CIB4: variants seen among roughly 807,000 people sequenced by gnomAD.
CIB4 encodes calcium and integrin binding family member 4.
A neutral mutation model predicts 25.8 loss-of-function variants in CIB4; 25 were observed. The observed-to-expected ratio is 0.97, with a 90% confidence interval of 0.71 to 1.35. The LOEUF (loss-of-function observed/expected upper bound fraction) is 1.35, where lower values mean the gene tolerates loss of function less well. Among genes scored for constraint, CIB4 ranks in the 40% most tolerant of loss-of-function variants. The pLI is 0.00. For synonymous variants in CIB4, 75 were observed against 81.4 expected (o/e 0.92, Z 0.42); for missense variants, 235 against 228.2 (o/e 1.03, Z -0.19).
At chr2:26,605,429 G>A (rs1036334141) in intron 3 of CIB4, 6 of 462,120 alleles carry the variant, frequency 1.3e-5, no homozygotes, top group East Asian at 7.2e-5. Context: ...GTGGCTGCCC[G>A]GAGGAAATGG....
In CIB4 at chr2:26,583,911, G is replaced by C. The variant is rs375565203; in HGVS notation, c.329-13C>G. The C allele has an allele frequency of 8.4e-6, 13 of 1,540,574 alleles. No homozygotes were observed. The African/African-American group carries it at 1.6e-4, about 19-fold the overall frequency. ...TTCTCATTAAAATCTGCAAAGAAGA[G>C]GCCAGGCCTGCATTAGACGGAGCTG... On this transcript the variant is annotated splice_polypyrimidine_tract_variant and intron_variant, in intron 4 of 6. Coordinates refer to ENST00000288861, the MANE Select transcript of CIB4 (RefSeq NM_001029881.3).
intron 1 of CIB4, 52 bp downstream of exon 1, chr2:26,641,209 T>G (rs1669629174): frequency 6.7e-7 from 1 of 1,484,326 alleles, no homozygotes; most frequent in African/African-American, 1.4e-5. Context: ...TCATTCCACC[T>G]GCTTTAGGAA....
chr2:26,585,440 G>A (rs1051805553), intron 4 of CIB4, among the ~76,000 whole-genome samples: 2 of 152,050 alleles, frequency 1.3e-5, no homozygotes, highest in Non-Finnish European at 2.9e-5. Flanking sequence ...TGGCAGGTGA[G>A]GTGATGTCCG....
At chr2:26,634,700 C>T (rs1218893200) in intron 2 of CIB4, among the ~76,000 whole-genome samples, 8 of 152,174 alleles carry the variant, frequency 5.3e-5, no homozygotes, top group Non-Finnish European at 2.9e-5. Flanking sequence ...CCTGTAACCA[C>T]TCCACCTGCG....
intron 4 of CIB4, among the ~76,000 whole-genome samples, chr2:26,594,622 C>T (rs1668644392): frequency 1.3e-5 from 2 of 152,188 alleles, no homozygotes; most frequent in African/African-American, 4.8e-5. Context: ...TTTGAGAATT[C>T]CCTTGCATCC....
chr2:26,614,344 T>C (rs1465730584), intron 3 of CIB4, among the ~76,000 whole-genome samples: 1 of 152,156 alleles, frequency 6.6e-6, no homozygotes, highest in African/African-American at 2.4e-5. Context: ...TGGATGAGCA[T>C]GTCCCCAGGC....
At chr2:26,626,612 C>G (rs1669310827) in intron 3 of CIB4, among the ~76,000 whole-genome samples, 1 of 152,116 alleles carries the variant, frequency 6.6e-6, no homozygotes, top group South Asian at 2.1e-4. Flanking sequence ...AAATCATGAC[C>G]ATTTAAGATT....
intron 3 of CIB4, 141 bp from the exon 4 acceptor site, chr2:26,595,458 G>T (rs78012705): frequency 1.1e-6 from 1 of 948,622 alleles, no homozygotes; most frequent in African/African-American, 1.6e-5. Flanking sequence ...GGAGTAGATG[G>T]TGGCTCACTG....
intron 4 of CIB4, among the ~76,000 whole-genome samples, chr2:26,587,578 A>G (rs1668482322): frequency 6.6e-6 from 1 of 152,162 alleles, no homozygotes; most frequent in Admixed American, 6.5e-5. Context: ...CACCTGGAAT[A>G]TAGAAGATAT....
chr2:26,608,839 G>A (rs1177601941), intron 3 of CIB4, among the ~76,000 whole-genome samples: 2 of 152,128 alleles, frequency 1.3e-5, no homozygotes, highest in Non-Finnish European at 2.9e-5. Flanking sequence ...AGGTGGCATA[G>A]CACATCACCC....
At chr2:26,638,322 G>A (rs1013956701) in intron 2 of CIB4, among the ~76,000 whole-genome samples, 21 of 152,164 alleles carry the variant, frequency 1.4e-4, no homozygotes, top group Non-Finnish European at 2.8e-4. Context: ...TCTGGGAGGA[G>A]GTCGTCTCAG....
chr2:26,581,541 A>T, intron 6 of CIB4, 148 bp from the exon 7 acceptor site: 1 of 744,254 alleles, frequency 1.3e-6, no homozygotes, highest in Non-Finnish European at 2.3e-6. Context: ...AGCCATCCCA[A>T]AGCAACCCCA....
chr2:26,635,020 G>A (rs1241060402), intron 2 of CIB4, among the ~76,000 whole-genome samples: 2 of 152,242 alleles, frequency 1.3e-5, no homozygotes, highest in Non-Finnish European at 2.9e-5. Flanking sequence ...GGGTCTGCAG[G>A]GTCTGCACGG....
At chr2:26,639,384 C>T (rs1669594591) in intron 2 of CIB4, among the ~76,000 whole-genome samples, 1 of 132,838 alleles carries the variant, frequency 7.5e-6, no homozygotes, top group South Asian at 2.6e-4. Context: ...GTGTGATGTT[C>T]CCCTCCCTGT....
At chr2:26,589,114 T>C (rs184524793) in intron 4 of CIB4, among the ~76,000 whole-genome samples, 1,330 of 98,364 alleles carry the variant, frequency 0.014, 174 homozygotes, top group African/African-American at 0.061. Context: ...CTTCCTCTTC[T>C]TCTTCTTCTT....
At chr2:26,599,191 G>C (rs138996555) in intron 3 of CIB4, among the ~76,000 whole-genome samples, 1 of 152,162 alleles carries the variant, frequency 6.6e-6, no homozygotes, top group Admixed American at 6.5e-5. Flanking sequence ...ACCCTGGTTT[G>C]AGGGCGTTTT....
intron 3 of CIB4, among the ~76,000 whole-genome samples, chr2:26,622,749 G>A (rs559573675): frequency 4.0e-4 from 61 of 152,302 alleles, no homozygotes; most frequent in South Asian, 8.3e-4. Context: ...TTGGGAGGCC[G>A]AGGTGGGCAG....
chr2:26,596,597 A>T (rs1013808252), intron 3 of CIB4, among the ~76,000 whole-genome samples: 5 of 152,258 alleles, frequency 3.3e-5, no homozygotes, highest in Non-Finnish European at 7.3e-5. Flanking sequence ...TACAAAAAAA[A>T]TTAGCCGGGC....
At chr2:26,612,637 G>A (rs937819194) in intron 3 of CIB4, among the ~76,000 whole-genome samples, 2 of 151,940 alleles carry the variant, frequency 1.3e-5, no homozygotes, top group South Asian at 2.1e-4. Flanking sequence ...TTTTCTCGGT[G>A]ATTCTTCCTC....
Sources: gnomAD v4.1 joint callset for allele counts (sites outside exome capture counted in the v4.1 genomes callset) on GRCh38, gnomAD v4.1.1 for gene constraint, MANE v1.5 for transcripts, NCBI Gene and HGNC (gene_info 2026-07-23, HGNC 2026-07-21) for gene names.